Variants in GRIA4 observed in about 807,000 individuals in gnomAD.
GRIA4 encodes glutamate ionotropic receptor AMPA type subunit 4.
Under a neutral mutation model 104.0 loss-of-function variants are expected in GRIA4, and 34 were observed. The observed-to-expected ratio is 0.33, with a 90% confidence interval of 0.25 to 0.44. GRIA4 has a LOEUF of 0.44. GRIA4 is among the 20% of genes least tolerant of loss of function. The pLI, the probability that GRIA4 is intolerant of heterozygous loss-of-function variation, is 1.00. For synonymous variants in GRIA4, 386 were observed against 381.9 expected (o/e 1.01, Z -0.13); for missense variants, 750 against 1,096.5 (o/e 0.68, Z 4.46).
intron 3 of GRIA4, among the ~76,000 whole-genome samples, chr11:105,644,979 C>T (rs185537531): frequency 7.2e-5 from 11 of 152,234 alleles, no homozygotes; most frequent in Admixed American, 1.3e-4. Flanking sequence ...CTAAGCAGTG[C>T]GTGACTGGTA....
chr11:105,932,812 A>T (rs556401270), intron 13 of GRIA4, among the ~76,000 whole-genome samples: 3 of 152,270 alleles, frequency 2.0e-5, no homozygotes, highest in South Asian at 4.1e-4. Flanking sequence ...TGTTAGGGAT[A>T]TTTGGTTTGT....
chr11:105,844,770 A>C (rs1197246423), intron 4 of GRIA4, among the ~76,000 whole-genome samples: 1 of 152,194 alleles, frequency 6.6e-6, no homozygotes, highest in Non-Finnish European at 1.5e-5. Flanking sequence ...TGCTACTATT[A>C]CTATTAGTAC....
intron 4 of GRIA4, 92 bp downstream of exon 4, chr11:105,753,312 T>C (rs1940115280): frequency 4.6e-6 from 5 of 1,088,204 alleles, no homozygotes; most frequent in Non-Finnish European, 6.8e-6. Context: ...AATTGTTTGA[T>C]CTCTAACATC....
chr11:105,690,567 C>A (rs1017473048), intron 3 of GRIA4, among the ~76,000 whole-genome samples: 1 of 152,132 alleles, frequency 6.6e-6, no homozygotes, highest in East Asian at 1.9e-4. Context: ...AAAGATATTC[C>A]TGAAGCAAAC....
intron 4 of GRIA4, among the ~76,000 whole-genome samples, chr11:105,774,493 T>C (rs964545618): frequency 6.6e-6 from 1 of 152,072 alleles, no homozygotes; most frequent in African/African-American, 2.4e-5. Context: ...CAGGAACTTG[T>C]TTATTCAAAA....
At chr11:105,889,694 A>T (rs2136105677) in intron 6 of GRIA4, among the ~76,000 whole-genome samples, 1 of 152,278 alleles carries the variant, frequency 6.6e-6, no homozygotes, top group East Asian at 1.9e-4. Context: ...GTTGTACTGA[A>T]GGTTCTATTA....
chr11:105,759,031 T>C (rs957130218), intron 4 of GRIA4, among the ~76,000 whole-genome samples: 84 of 244 alleles, frequency 0.34, no homozygotes, highest in Admixed American at 0.45. Context: ...ATTTCCCTAA[T>C]GTCATGAGAG....
At chr11:105,816,484 C>A (rs1565259143) in intron 4 of GRIA4, among the ~76,000 whole-genome samples, 1 of 152,088 alleles carries the variant, frequency 6.6e-6, no homozygotes, top group Non-Finnish European at 1.5e-5. Flanking sequence ...ATGTAATGTG[C>A]AAACTCCTGT....
intron 14 of GRIA4, among the ~76,000 whole-genome samples, chr11:105,936,556 TA>T (rs1948040924): frequency 6.6e-6 from 1 of 152,228 alleles, no homozygotes; most frequent in Non-Finnish European, 1.5e-5. Context: ...TCTGTCCTTC[TA>T]TTTACACTTA....
At chr11:105,977,312 G>A (rs1380939060) in intron 16 of GRIA4, among the ~76,000 whole-genome samples, 1 of 151,878 alleles carries the variant, frequency 6.6e-6, no homozygotes, top group African/African-American at 2.4e-5. Context: ...GAATTCTCTG[G>A]AACTACCTTT....
rs1859234053 is a variant in GRIA4, at chr11:105,981,113, A to G, written c.*1374A>G. 1 of 152,658 alleles carries G rather than the reference A, an allele frequency of 6.6e-6. No homozygotes were observed. Among genetic ancestry groups the G allele is most frequent in the Non-Finnish European group, 1.5e-5 (1 of 68,032 alleles). 9.5% of individuals were successfully genotyped at this position (152,658 alleles called of 1,614,324 possible). ...AGAATTAGTCTTTGTTTTCAACTGG[A>G]AATTGTAAAGAAAATTATACTCATG... On this transcript the variant is annotated 3_prime_UTR_variant, in exon 17 of 17. Coordinates refer to ENST00000282499, the MANE Select transcript of GRIA4 (RefSeq NM_000829.4).
In GRIA4 at chr11:105,643,327, T is replaced by C. The variant is rs186793396; in HGVS notation, c.247+30893T>C. On this transcript the variant is annotated intron_variant, in intron 3 of 16. Transcript: ENST00000282499. ...ATAACATTCAAGGAAGTGACATCAA[T>C]GTTAAGATCAAGAAAAGGAGAAGAT... Among the ~76,000 whole-genome samples, 155 of 152,318 alleles carry C rather than the reference T, an allele frequency of 1.0e-3. 1 individual carries two copies. Among genetic ancestry groups the C allele is most frequent in the African/African-American group, 3.6e-3 (148 of 41,580 alleles).
intron 3 of GRIA4, among the ~76,000 whole-genome samples, chr11:105,692,125 GATA>G (rs1405617592): frequency 6.6e-6 from 1 of 151,872 alleles, no homozygotes; most frequent in African/African-American, 2.4e-5. Context: ...TTGGATTGAT[GATA>G]ATGATGATGA....
intron 3 of GRIA4, among the ~76,000 whole-genome samples, chr11:105,683,135 A>T (rs943286172): frequency 2.0e-5 from 3 of 152,150 alleles, no homozygotes; most frequent in African/African-American, 7.2e-5. Flanking sequence ...AGGAATAAAA[A>T]TTCCATGATT....
intron 14 of GRIA4, among the ~76,000 whole-genome samples, chr11:105,936,244 C>T (rs991507143): frequency 6.6e-6 from 1 of 152,186 alleles, no homozygotes. Context: ...GACTAATAGT[C>T]ACCTTCTGTA....
In GRIA4 at chr11:105,612,358, G is replaced by A. The variant is rs1245770941; in HGVS notation, c.171G>A (p.Ala57=). The part of the protein sequence containing the change: ...AIFLHNTSPN[A]SEAPFNLVPH... ...TTCTTCATAACACCAGCCCCAATGC[G>A]TCGGAAGCTCCTTTTAATTTGGTAC... Residue 57 remains alanine, a synonymous_variant, in exon 3 of 17, where the codon GCG becomes GCA. Transcript: ENST00000282499. The A allele has an allele frequency of 3.7e-6, 6 of 1,613,944 alleles. No homozygotes were observed. Among genetic ancestry groups the A allele is most frequent in the Non-Finnish European group, 5.1e-6 (6 of 1,179,932 alleles).
rs571111152 is a variant in GRIA4, at chr11:105,864,058, GTAATAA to G, written c.672+1862_672+1867del. On this transcript the variant is annotated intron_variant, in intron 5 of 16. Coordinates refer to ENST00000282499, the MANE Select transcript of GRIA4 (RefSeq NM_000829.4). Reference sequence around the variant, plus strand: ...GTTTCTTTTCTATCATGGTTGCATGGTAATAATAATAATAATAGTAAGAGAACTTTG... The same window carrying G: ...GTTTCTTTTCTATCATGGTTGCATGGTAATAATAATAGTAAGAGAACTTTG... 5.3e-5 allele frequency among the ~76,000 whole-genome samples: 8 copies of G among 151,752 alleles called. No homozygotes were observed. In the East Asian group the frequency reaches 1.4e-3, roughly 26 times the overall value.
At chr11:105,647,269 G>T (rs1951555725) in intron 3 of GRIA4, among the ~76,000 whole-genome samples, 1 of 152,072 alleles carries the variant, frequency 6.6e-6, no homozygotes, top group African/African-American at 2.4e-5. Flanking sequence ...AGTCAGAATG[G>T]CTATTACTAA....
At chr11:105,879,348 A>G (rs1177927160) in intron 5 of GRIA4, among the ~76,000 whole-genome samples, 1 of 152,160 alleles carries the variant, frequency 6.6e-6, no homozygotes, top group Non-Finnish European at 1.5e-5. Flanking sequence ...CATCTTGCCC[A>G]GGTCCCCGGT....
Sources: gnomAD v4.1 joint callset for allele counts (sites outside exome capture counted in the v4.1 genomes callset) on GRCh38, gnomAD v4.1.1 for gene constraint, MANE v1.5 for transcripts, NCBI Gene and HGNC (gene_info 2026-07-23, HGNC 2026-07-21) for gene names.